TENM4: variants seen among roughly 807,000 people sequenced by gnomAD.
TENM4 encodes the protein teneurin transmembrane protein 4, also known as teneurin-4.
A neutral mutation model predicts 243.3 loss-of-function variants in TENM4; 82 were observed. That is an observed-to-expected ratio of 0.34 (90% CI 0.28 to 0.40). The LOEUF (loss-of-function observed/expected upper bound fraction) is 0.40, where lower values mean the gene tolerates loss of function less well. Among genes scored for constraint, TENM4 ranks in the 10% least tolerant of loss-of-function variants. TENM4 has a pLI of 1.00. For missense variants in TENM4, 3,138 were observed against 3,673.3 expected (o/e 0.85, Z 3.77); for synonymous variants, 1,412 against 1,456.3 (o/e 0.97, Z 0.69).
intron 2 of TENM4, among the ~76,000 whole-genome samples, chr11:79,296,434 C>T (rs2135390542): frequency 6.6e-6 from 1 of 152,328 alleles, no homozygotes; most frequent in African/African-American, 2.4e-5. Flanking sequence ...CCTTGGTTCT[C>T]AGCTTACTGC....
At chr11:79,241,505 G>A (rs1438467827) in intron 2 of TENM4, among the ~76,000 whole-genome samples, 1 of 152,160 alleles carries the variant, frequency 6.6e-6, no homozygotes, top group Non-Finnish European at 1.5e-5. Context: ...AATCATAGGA[G>A]CTGCACATGC....
At chr11:79,401,394 C>G (rs186693171) in intron 1 of TENM4, among the ~76,000 whole-genome samples, 2 of 152,256 alleles carry the variant, frequency 1.3e-5, no homozygotes, top group South Asian at 2.1e-4. Flanking sequence ...CTGTCTAACC[C>G]CGGAGCCTCA....
At chr11:79,415,095 TC>T (rs1337061160) in intron 1 of TENM4, among the ~76,000 whole-genome samples, 1 of 152,220 alleles carries the variant, frequency 6.6e-6, no homozygotes, top group Non-Finnish European at 1.5e-5. Flanking sequence ...TGTTTCCATG[TC>T]TGTAAGATGA....
At chr11:78,845,989 G>C (rs979924427) in intron 12 of TENM4, among the ~76,000 whole-genome samples, 3 of 152,110 alleles carry the variant, frequency 2.0e-5, no homozygotes, top group African/African-American at 7.2e-5. Context: ...GAGCCTAGGA[G>C]GTGTGATGCC....
intron 6 of TENM4, among the ~76,000 whole-genome samples, chr11:78,967,478 A>G (rs942644914): frequency 6.6e-6 from 1 of 152,208 alleles, no homozygotes; most frequent in Non-Finnish European, 1.5e-5. Context: ...CAGGAAAGTG[A>G]CAAGACCGGG....
intron 6 of TENM4, among the ~76,000 whole-genome samples, chr11:78,982,106 C>A (rs1857809944): frequency 6.6e-6 from 1 of 152,164 alleles, no homozygotes. Flanking sequence ...ATCCGCTTTG[C>A]AGACTGCTTG....
rs148462659 is a variant in TENM4 at position 79,201,606 on chromosome 11, G to A, written c.-163+14202C>T. Reference sequence around the variant, plus strand: ...GCTCTGTTAGATGCAGGGGATACTGGCATGAATCAACCAGAATTCCTGCCC... The same window carrying A: ...GCTCTGTTAGATGCAGGGGATACTGACATGAATCAACCAGAATTCCTGCCC... On this transcript the variant is annotated intron_variant, in intron 3 of 33. Coordinates refer to ENST00000278550, the MANE Select transcript of TENM4 (RefSeq NM_001098816.3). Among the ~76,000 whole-genome samples, 104 of 152,250 alleles carry A rather than the reference G, an allele frequency of 6.8e-4. 1 individual carries two copies. The highest frequency in any genetic ancestry group is 2.4e-3 in the African/African-American group (100 of 41,536).
At chr11:79,345,994 T>A (rs1013280311) in intron 1 of TENM4, among the ~76,000 whole-genome samples, 8 of 152,176 alleles carry the variant, frequency 5.3e-5, no homozygotes, top group African/African-American at 1.9e-4. Context: ...GAAAAATGTG[T>A]AATTATCACA....
chr11:78,674,516 C>T (rs1305523254), intron 30 of TENM4, among the ~76,000 whole-genome samples: 1 of 152,320 alleles, frequency 6.6e-6, no homozygotes, highest in African/African-American at 2.4e-5. Context: ...GGGCTAGGTG[C>T]GTTGATTGTA....
At chr11:78,841,414 T>G (rs947127167) in intron 12 of TENM4, among the ~76,000 whole-genome samples, 24 of 152,118 alleles carry the variant, frequency 1.6e-4, no homozygotes, top group African/African-American at 5.6e-4. Flanking sequence ...CATAAGTGGG[T>G]TACTCTGTCA....
intron 2 of TENM4, among the ~76,000 whole-genome samples, chr11:79,228,104 A>G (rs1267020866): frequency 6.6e-6 from 1 of 152,202 alleles, no homozygotes; most frequent in Non-Finnish European, 1.5e-5. Flanking sequence ...AGTATCTATA[A>G]ACAGACCGAC....
intron 1 of TENM4, among the ~76,000 whole-genome samples, chr11:79,330,925 A>T (rs1297928169): frequency 1.3e-5 from 2 of 152,166 alleles, no homozygotes; most frequent in Non-Finnish European, 2.9e-5. Flanking sequence ...GGTCATGAGG[A>T]TATGTCGGCC....
intron 6 of TENM4, among the ~76,000 whole-genome samples, chr11:79,036,154 G>C (rs1859372598): frequency 6.6e-6 from 1 of 152,230 alleles, no homozygotes; most frequent in South Asian, 2.1e-4. Flanking sequence ...AGTGGGGTCT[G>C]GAGTGGGGCT....
At chr11:79,209,421 C>T (rs1031178400) in intron 3 of TENM4, among the ~76,000 whole-genome samples, 13 of 152,174 alleles carry the variant, frequency 8.5e-5, no homozygotes, top group East Asian at 5.8e-4. Flanking sequence ...TTAAGCAAAT[C>T]GGGAACTCCT....
intron 9 of TENM4, among the ~76,000 whole-genome samples, chr11:78,887,751 C>A (rs1318921912): frequency 1.3e-5 from 2 of 152,168 alleles, no homozygotes; most frequent in Non-Finnish European, 2.9e-5. Context: ...ATCATGTATT[C>A]TTATTAACTG....
At chr11:79,068,721 T>C (rs1002732443) in intron 5 of TENM4, among the ~76,000 whole-genome samples, 5 of 152,094 alleles carry the variant, frequency 3.3e-5, no homozygotes, top group African/African-American at 4.8e-5. Context: ...CAAAGAGGGC[T>C]CAAGCCTCTG....
At chr11:78,997,750 T>C (rs1858211727) in intron 6 of TENM4, among the ~76,000 whole-genome samples, 1 of 152,210 alleles carries the variant, frequency 6.6e-6, no homozygotes, top group South Asian at 2.1e-4. Context: ...TGGCGTCTAT[T>C]ATGGGTTGAA....
rs752457406 is a variant in TENM4 at position 78,661,549 on chromosome 11, T to C, written c.7451A>G (p.Asn2484Ser). The C allele has an allele frequency of 2.7e-5, 44 of 1,613,304 alleles. No individual in the cohort carries two copies. In the Admixed American group the frequency reaches 6.8e-4, roughly 25 times the overall value. ...TGGTTTGGGATAACCAGGGATCACG[T>C]TGTGTAGCTGGAATCCAAAGGTGAG... ...WLLTFGFQLHNVIPGYPKPDM... is the reference protein window; with the variant it reads ...WLLTFGFQLHSVIPGYPKPDM... Residue 2484 changes from asparagine (N) to serine (S), a missense_variant, in exon 33 of 34, where the codon AAC becomes AGC. Physicochemically the swap from Asn to Ser is conservative, Grantham distance 46. This residue lies in a region of TENM4 where 2,467 missense variants were observed against 3,059.1 expected (regional missense o/e 0.81). Transcript: ENST00000278550.
chr11:78,911,703 T>G (rs1856190037), intron 6 of TENM4, among the ~76,000 whole-genome samples: 1 of 152,188 alleles, frequency 6.6e-6, no homozygotes, highest in South Asian at 2.1e-4. Flanking sequence ...TCTGACGCAC[T>G]CTTGCCCTCT....
Sources: allele counts gnomAD v4.1 joint callset (sites outside exome capture counted in the v4.1 genomes callset), GRCh38; gene constraint gnomAD v4.1.1; regional missense constraint gnomAD v4.1.1; transcripts MANE v1.5; gene names NCBI Gene and HGNC (gene_info 2026-07-23, HGNC 2026-07-21).